Variants in MIPOL1 observed in about 807,000 individuals in gnomAD.
MIPOL1 encodes mirror-image polydactyly 1.
MIPOL1 carries 57 observed loss-of-function variants against 60.9 expected under a neutral mutation model. The observed-to-expected ratio is 0.94, with a 90% CI of 0.76 to 1.17. The LOEUF is 1.17. Ranked by LOEUF, MIPOL1 falls within the 50% of genes most tolerant of loss-of-function variation. The pLI is 0.00. For missense variants in MIPOL1, 551 were observed against 511.6 expected (o/e 1.08, Z -0.74); for synonymous variants, 179 against 168.8 (o/e 1.06, Z -0.47).
chr14:37,401,188 A>T (rs958471516), intron 10 of MIPOL1: 1 of 152,120 alleles, frequency 6.6e-6, no homozygotes, highest in East Asian at 1.9e-4. Context: ...AGCAAAACAT[A>T]ATTTGTGGAA....
At chr14:37,419,539 G>A (rs914377094) in intron 10 of MIPOL1, among the ~76,000 whole-genome samples, 1 of 152,090 alleles carries the variant, frequency 6.6e-6, no homozygotes, top group Non-Finnish European at 1.5e-5. Context: ...TTGCATATAT[G>A]TTTACTTTGA....
chr14:37,537,514 A>C (rs962999290), intron 12 of MIPOL1, among the ~76,000 whole-genome samples: 1 of 152,188 alleles, frequency 6.6e-6, no homozygotes, highest in African/African-American at 2.4e-5. Flanking sequence ...ATCACAACCC[A>C]TTATTAAATT....
intron 7 of MIPOL1, among the ~76,000 whole-genome samples, chr14:37,307,036 A>C (rs2086841797): frequency 6.6e-6 from 1 of 151,834 alleles, no homozygotes; most frequent in Admixed American, 6.6e-5. Flanking sequence ...TAAAAGTACT[A>C]CTTTTCCATG....
At chr14:37,468,471 C>CA (rs2094631710) in intron 11 of MIPOL1, among the ~76,000 whole-genome samples, 2 of 152,022 alleles carry the variant, frequency 1.3e-5, no homozygotes, top group East Asian at 3.9e-4. Context: ...TCTTAGTGTC[C>CA]AGAAAGTAAT....
At chr14:37,278,618 C>G (rs1420317253) in intron 6 of MIPOL1, 1 of 151,650 alleles carries the variant, frequency 6.6e-6, no homozygotes, top group Admixed American at 6.6e-5. Context: ...TTTAATTTAG[C>G]CTTTTATATT....
chr14:37,362,482 TA>T (rs2092308291), intron 9 of MIPOL1, among the ~76,000 whole-genome samples: 2 of 152,232 alleles, frequency 1.3e-5, no homozygotes, highest in Admixed American at 6.5e-5. Context: ...GATGCACTGT[TA>T]GTCTGATGGG....
chr14:37,462,532 C>A (rs2144583), intron 11 of MIPOL1, among the ~76,000 whole-genome samples: 28,829 of 152,104 alleles, frequency 0.19, 5,498 homozygotes, highest in African/African-American at 0.48. Flanking sequence ...ATGGGATTTT[C>A]TTTTCTATTG....
At chr14:37,413,270 A>G (rs2093708570) in intron 10 of MIPOL1, among the ~76,000 whole-genome samples, 3 of 152,158 alleles carry the variant, frequency 2.0e-5, no homozygotes, top group Admixed American at 2.0e-4. Context: ...TTTAAATATA[A>G]ATGTTAATGT....
At chr14:37,270,001 G>C (rs1018208065) in intron 5 of MIPOL1, among the ~76,000 whole-genome samples, 5 of 152,066 alleles carry the variant, frequency 3.3e-5, no homozygotes, top group African/African-American at 1.2e-4. Flanking sequence ...CTAATTTTTT[G>C]TATTTTTAGT....
At chr14:37,284,045 G>GT (rs1292331945) in intron 6 of MIPOL1, among the ~76,000 whole-genome samples, 1 of 152,066 alleles carries the variant, frequency 6.6e-6, no homozygotes, top group Non-Finnish European at 1.5e-5. Flanking sequence ...TAAAAATTAT[G>GT]TAAGATTTCA....
intron 12 of MIPOL1, 133 bp from the exon 13 acceptor site, chr14:37,546,772 A>C: frequency 1.4e-6 from 1 of 695,168 alleles, no homozygotes; most frequent in Admixed American, 2.6e-5. Context: ...CTCTCACAGT[A>C]ATGCTTTGTT....
At chr14:37,420,584 A>G (rs1456436797) in intron 10 of MIPOL1, among the ~76,000 whole-genome samples, 1 of 152,174 alleles carries the variant, frequency 6.6e-6, no homozygotes, top group African/African-American at 2.4e-5. Flanking sequence ...AAATTGGTTG[A>G]GTGTTTCAAC....
intron 12 of MIPOL1, chr14:37,546,195 A>C (rs2095546817): frequency 6.6e-6 from 1 of 152,312 alleles, no homozygotes; most frequent in Admixed American, 6.5e-5. Context: ...TTAATTGACT[A>C]GTTTTTAGTC....
At chr14:37,431,856 A>AT (rs2094076485) in intron 11 of MIPOL1, among the ~76,000 whole-genome samples, 1 of 151,666 alleles carries the variant, frequency 6.6e-6, no homozygotes, top group Non-Finnish European at 1.5e-5. Context: ...AAGTGCTGGG[A>AT]TTACAGGCGT....
intron 11 of MIPOL1, among the ~76,000 whole-genome samples, chr14:37,450,286 G>A (rs1566626581): frequency 6.6e-6 from 1 of 152,102 alleles, no homozygotes; most frequent in African/African-American, 2.4e-5. Flanking sequence ...CCTAGGATTT[G>A]TCTTCTCTTC....
intron 12 of MIPOL1, among the ~76,000 whole-genome samples, chr14:37,520,621 A>G (rs531511177): frequency 2.6e-5 from 4 of 152,260 alleles, no homozygotes; most frequent in South Asian, 4.1e-4. Context: ...AATCTCTTCA[A>G]TGTATATTCT....
chr14:37,455,915 A>T (rs1955943), intron 11 of MIPOL1, among the ~76,000 whole-genome samples: 1 of 151,924 alleles, frequency 6.6e-6, no homozygotes, highest in Admixed American at 6.6e-5. Flanking sequence ...GCTCAGATTT[A>T]GTAAGTCTAT....
chr14:37,397,616 G>C (rs1595584810), intron 10 of MIPOL1, among the ~76,000 whole-genome samples: 3 of 152,216 alleles, frequency 2.0e-5, no homozygotes, highest in East Asian at 3.9e-4. Context: ...CCATCAGGTG[G>C]GGGCAGGGCT....
At chr14:37,330,579 G>A (rs953904947) in intron 9 of MIPOL1, among the ~76,000 whole-genome samples, 1 of 151,998 alleles carries the variant, frequency 6.6e-6, no homozygotes, top group Non-Finnish European at 1.5e-5. Flanking sequence ...ATTTCCTCTT[G>A]TTAAACCCAA....
Sources: gnomAD v4.1 joint callset for allele counts (sites outside exome capture counted in the v4.1 genomes callset) on GRCh38, gnomAD v4.1.1 for gene constraint, MANE v1.5 for transcripts, NCBI Gene and HGNC (gene_info 2026-07-23, HGNC 2026-07-21) for gene names.